STX8: variants seen among roughly 807,000 people sequenced by gnomAD.
STX8 encodes the protein syntaxin 8, also known as syntaxin-8.
A neutral mutation model predicts 37.5 loss-of-function variants in STX8; 23 were observed. That is an observed-to-expected ratio of 0.61 (90% confidence interval 0.44 to 0.87). STX8 has a LOEUF of 0.87. Among genes scored for constraint, STX8 ranks in the 40% least tolerant of loss-of-function variants. The pLI, the probability that STX8 is intolerant of heterozygous loss-of-function variation, is 0.00. For missense variants in STX8, 313 were observed against 284.7 expected (o/e 1.10, Z -0.71); for synonymous variants, 115 against 99.1 (o/e 1.16, Z -0.95).
chr17:9,518,431 C>G (rs1905219053), intron 4 of STX8, among the ~76,000 whole-genome samples: 1 of 152,136 alleles, frequency 6.6e-6, no homozygotes, highest in African/African-American at 2.4e-5. Context: ...ACTGACAGCT[C>G]CTTCTCTATA....
chr17:9,573,646 G>A (rs1457157088), intron 1 of STX8, among the ~76,000 whole-genome samples: 2 of 152,116 alleles, frequency 1.3e-5, no homozygotes. Context: ...TTTCTAAATT[G>A]ACTGAGACCT....
chr17:9,430,396 C>T (rs972369639), intron 6 of STX8, among the ~76,000 whole-genome samples: 2 of 150,682 alleles, frequency 1.3e-5, no homozygotes, highest in Admixed American at 6.7e-5. Flanking sequence ...CTGCCCCTAG[C>T]CTCGGTAACC....
chr17:9,392,165 G>A (rs1912245141), intron 6 of STX8, among the ~76,000 whole-genome samples: 1 of 152,168 alleles, frequency 6.6e-6, no homozygotes, highest in South Asian at 2.1e-4. Flanking sequence ...TAAACCAACA[G>A]CCAGAGTCTC....
intron 1 of STX8, 33 bp downstream of exon 1, chr17:9,575,759 C>A (rs367635238): frequency 2.6e-6 from 4 of 1,546,542 alleles, no homozygotes; most frequent in Non-Finnish European, 3.5e-6. Context: ...CCGAAGGTCC[C>A]TCCACGCACC....
At chr17:9,462,609 G>C (rs1597688275) in intron 6 of STX8, among the ~76,000 whole-genome samples, 1 of 152,088 alleles carries the variant, frequency 6.6e-6, no homozygotes, top group East Asian at 1.9e-4. Flanking sequence ...TGTAATCCCA[G>C]CTACTCAGGA....
At chr17:9,393,671 C>T (rs1597644181) in intron 6 of STX8, among the ~76,000 whole-genome samples, 1 of 152,204 alleles carries the variant, frequency 6.6e-6, no homozygotes, top group East Asian at 1.9e-4. Context: ...ACCACTAAAA[C>T]AATCTATACA....
At chr17:9,372,557 A>C (rs1396762794) in intron 7 of STX8, among the ~76,000 whole-genome samples, 1 of 151,882 alleles carries the variant, frequency 6.6e-6, no homozygotes, top group Non-Finnish European at 1.5e-5. Flanking sequence ...GGCTAACTGC[A>C]ATCTCTGCCT....
intron 6 of STX8, among the ~76,000 whole-genome samples, chr17:9,462,757 G>A (rs893343388): frequency 6.6e-6 from 1 of 152,104 alleles, no homozygotes; most frequent in African/African-American, 2.4e-5. Flanking sequence ...AAAAAAGCAT[G>A]GGGAATAATA....
intron 6 of STX8, among the ~76,000 whole-genome samples, chr17:9,430,673 A>G (rs1247967464): frequency 2.1e-5 from 3 of 139,626 alleles, no homozygotes; most frequent in African/African-American, 8.0e-5. Flanking sequence ...TTTTTGAGAC[A>G]GAGTCTCGCT....
Position 9,300,882 on chromosome 17 carries a change from G to C in STX8, c.644-50237C>G, listed in dbSNP as rs1457398395. Among the ~76,000 whole-genome samples, 14 of 141,554 alleles carry C rather than the reference G, an allele frequency of 9.9e-5. No individual in the cohort carries two copies. In the South Asian group the frequency reaches 3.2e-3, roughly 32 times the overall value. The allele number at this position is 141,554 out of a possible 152,430, so 92.9% of individuals were successfully genotyped here. A position where few individuals can be genotyped will look rare whatever the true frequency, so the allele number is the denominator to read the frequency against. On this transcript the variant is annotated intron_variant, in intron 7 of 7. Coordinates refer to ENST00000306357, the MANE Select transcript of STX8 (RefSeq NM_004853.3). Reference sequence around the variant, plus strand: ...CGGAGTCTCACTGTCACCCAGGCTGGAGTGCAGTGATGCAATCTCGGCTCA... The same window carrying C: ...CGGAGTCTCACTGTCACCCAGGCTGCAGTGCAGTGATGCAATCTCGGCTCA...
intron 7 of STX8, among the ~76,000 whole-genome samples, chr17:9,346,529 T>A (rs2142239082): frequency 6.6e-6 from 1 of 152,342 alleles, no homozygotes; most frequent in South Asian, 2.1e-4. Context: ...CCTGGTCACA[T>A]CTGGTCACTG....
At chr17:9,315,502 C>T (rs530279896) in intron 7 of STX8, among the ~76,000 whole-genome samples, 68 of 152,296 alleles carry the variant, frequency 4.5e-4, no homozygotes, top group African/African-American at 1.5e-3. Context: ...AGTCTCCACC[C>T]CAGAGGGAAA....
chr17:9,319,378 C>T (rs545120922), intron 7 of STX8, among the ~76,000 whole-genome samples: 3 of 152,182 alleles, frequency 2.0e-5, no homozygotes, highest in South Asian at 4.1e-4. Context: ...GAGATTGTGC[C>T]ACTGCACTCC....
chr17:9,562,797 T>C (rs752571585), intron 2 of STX8, among the ~76,000 whole-genome samples: 20 of 152,100 alleles, frequency 1.3e-4, no homozygotes, highest in Non-Finnish European at 2.5e-4. Context: ...TGCTCACACA[T>C]TGCTGGTGGG....
rs191694182 is a variant in STX8, at chr17:9,539,456, A to G, written c.323+5716T>C. On this transcript the variant is annotated intron_variant, in intron 4 of 7. Transcript: ENST00000306357. ...GGCATTGCTGCCAGTTACTAGGGAA[A>G]TGTTGATTAGCAGATTAACCCCAGT... Among the ~76,000 whole-genome samples, 923 of 152,328 alleles carry G rather than the reference A, an allele frequency of 6.1e-3. 32 individuals carry two copies. Among genetic ancestry groups the G allele is most frequent in the Admixed American group, 0.054 (824 of 15,294 alleles).
intron 4 of STX8, among the ~76,000 whole-genome samples, chr17:9,543,128 A>C (rs1228097456): frequency 2.0e-5 from 3 of 152,128 alleles, no homozygotes; most frequent in Admixed American, 6.6e-5. Context: ...CTGCCTCATC[A>C]CTACCAAGCA....
intron 7 of STX8, among the ~76,000 whole-genome samples, chr17:9,362,212 C>A (rs1384957103): frequency 2.6e-5 from 4 of 152,080 alleles, no homozygotes; most frequent in Non-Finnish European, 5.9e-5. Flanking sequence ...TGCCTGTAAT[C>A]CCAGCTTCTC....
chr17:9,349,645 G>A (rs1423965001), intron 7 of STX8, among the ~76,000 whole-genome samples: 1 of 151,714 alleles, frequency 6.6e-6, no homozygotes, highest in Non-Finnish European at 1.5e-5. Flanking sequence ...TCTAAGTTAG[G>A]CACAGTAAGA....
chr17:9,289,781 AAAAAAC>A (rs1908249753), intron 7 of STX8, among the ~76,000 whole-genome samples: 1 of 145,592 alleles, frequency 6.9e-6, no homozygotes, highest in South Asian at 2.4e-4. Context: ...CTCCGTCTCA[AAAAAAC>A]AAAAACAAAA....
Sources: gnomAD v4.1 joint callset for allele counts (sites outside exome capture counted in the v4.1 genomes callset) on GRCh38, gnomAD v4.1.1 for gene constraint, MANE v1.5 for transcripts, NCBI Gene and HGNC (gene_info 2026-07-23, HGNC 2026-07-21) for gene names.